SLC26A9: variants seen among roughly 807,000 people sequenced by gnomAD.
SLC26A9 encodes the protein anion transporter/exchanger protein 9.
Under a neutral mutation model 87.1 loss-of-function variants are expected in SLC26A9, and 46 were observed. The observed-to-expected ratio is 0.53, with a 90% CI of 0.42 to 0.67. The LOEUF (loss-of-function observed/expected upper bound fraction) is 0.67. Among genes scored for constraint, SLC26A9 ranks in the 30% least tolerant of loss-of-function variants. The pLI is 0.00. For missense variants in SLC26A9, 927 were observed against 1,018.3 expected, an observed-to-expected ratio of 0.91 and a Z score of 1.22; for synonymous variants, 437 against 409.1, an observed-to-expected ratio of 1.07 and a Z score of -0.82.
intron 16 of SLC26A9, among the ~76,000 whole-genome samples, chr1:205,922,609 G>T (rs1387152662): frequency 1.3e-5 from 2 of 152,182 alleles, no homozygotes; most frequent in East Asian, 3.9e-4. Flanking sequence ...CATCCAAGAA[G>T]AAAAATGCCC....
chr1:205,913,580 C>T lies in SLC26A9; in HGVS notation c.*1777G>A, dbSNP rs913088165. 9.8e-5 allele frequency: 15 copies of T among 152,662 alleles called. No homozygotes were observed. Among genetic ancestry groups the T allele is most frequent in the African/African-American group, 3.6e-4 (15 of 41,442 alleles). 9.5% of individuals were successfully genotyped at this position (152,662 alleles called of 1,614,324 possible). A position where few individuals can be genotyped will look rare whatever the true frequency, so the allele number is the denominator to read the frequency against. On this transcript the variant is annotated 3_prime_UTR_variant, in exon 21 of 21. Transcript: ENST00000367135. ...TGTGACCTTCTCCCACCTCCTGGGC[C>T]TGAGCTGGACTTGGAAGGAGGTGGA...
rs754742105 is a variant in SLC26A9 at position 205,932,963 on chromosome 1, A to T, written c.247T>A (p.Ser83Thr). The change falls in exon 3 of 21, where the codon TCC becomes ACC. Residue 83 changes from serine (S) to threonine (T), a missense_variant. Coordinates refer to ENST00000367135, the MANE Select transcript of SLC26A9 (RefSeq NM_052934.4). ...CCTTCACCTTGTGGGACCTGGATGG[A>T]TCCCCCGCTGAGTCCACCGAGCAGG... The part of the protein sequence containing the change: ...PDLLGGLSGG[S>T]IQVPQGMAFA... The T allele has an allele frequency of 2.7e-5, 44 of 1,613,970 alleles. No individual in the cohort carries two copies. The highest frequency in any genetic ancestry group is 3.6e-5 in the Non-Finnish European group (43 of 1,179,966).
Position 205,933,069 on chromosome 1 carries a change from C to G in SLC26A9, c.141G>C (p.Lys47Asn), listed in dbSNP as rs1659372525. ...GCAGCCCAAACACCACAGCTTTGAT[C>G]TTGGCTGAGGAACATCTGGAAGGGA... ...LRNAFRCSSA[K>N]IKAVVFGLLP... Residue 47 changes from lysine to asparagine, a missense_variant, in exon 3 of 21, where the codon AAG (lysine) becomes AAC (asparagine). Transcript: ENST00000367135. 4 of 1,614,228 alleles carry G rather than the reference C, an allele frequency of 2.5e-6. No homozygotes were observed. Among genetic ancestry groups the G allele is most frequent in the Non-Finnish European group, 2.5e-6 (3 of 1,180,040 alleles).
chr1:205,923,416 G>C lies in SLC26A9; in HGVS notation c.1578C>G (p.Ile526Met). The change falls in exon 15 of 21, where the codon ATC (isoleucine) becomes ATG (methionine). Residue 526 changes from isoleucine (I) to methionine (M), a missense_variant. Physicochemically the swap from Ile to Met is conservative, Grantham distance 10. Coordinates refer to ENST00000367135, the MANE Select transcript of SLC26A9 (RefSeq NM_052934.4). ...AGTACGTGATGATTTTAATCCCCTG[G>C]ATATCCTGGGCCTGTGACAGGGAGA... Reference protein sequence around the residue: ...NPKTYNRAQDIQGIKIITYCS... With the variant: ...NPKTYNRAQDMQGIKIITYCS... 1 of 1,614,190 alleles carries C rather than the reference G, an allele frequency of 6.2e-7. No homozygotes were observed.
intron 2 of SLC26A9, 112 bp from the exon 3 acceptor site, chr1:205,933,196 A>G (rs1659378321): frequency 4.1e-6 from 6 of 1,458,568 alleles, no homozygotes; most frequent in Non-Finnish European, 5.6e-6. Context: ...TTCAAAATTC[A>G]CTGAACTGTG....
intron 1 of SLC26A9, among the ~76,000 whole-genome samples, chr1:205,943,032 C>T (rs968592697): frequency 1.3e-5 from 2 of 152,170 alleles, no homozygotes; most frequent in Non-Finnish European, 1.5e-5. Context: ...AAGGCTGTCG[C>T]GGAGGAAGGT....
At chr1:205,922,232 G>A (rs1571734870) in intron 16 of SLC26A9, among the ~76,000 whole-genome samples, 2 of 152,312 alleles carry the variant, frequency 1.3e-5, no homozygotes, top group East Asian at 3.9e-4. Context: ...TGCCTCCCGG[G>A]TTCAAGTGAT....
intron 12 of SLC26A9, among the ~76,000 whole-genome samples, chr1:205,925,483 C>A (rs1659028448): frequency 6.6e-6 from 1 of 152,188 alleles, no homozygotes; most frequent in Non-Finnish European, 1.5e-5. Flanking sequence ...GGAATACCAC[C>A]ATAGCGGGGG....
chr1:205,931,905 C>T lies in SLC26A9; in HGVS notation c.507G>A (p.Arg169=). The part of the protein sequence containing the change: ...YVDTAAMEAE[R]LHVSATLACL... ...AGGCTAGCGTAGCTGACACGTGCAG[C>T]CTCTCAGCCTCCATGGCTGCTGTGT... Residue 169 remains arginine (R), a synonymous_variant, in exon 5 of 21, where the codon AGG becomes AGA. Transcript: ENST00000367135. 2 of 1,614,138 alleles carry T rather than the reference C, an allele frequency of 1.2e-6. No homozygotes were observed. Among genetic ancestry groups the T allele is most frequent in the Admixed American group, 1.7e-5 (1 of 60,028 alleles).
chr1:205,915,458 G>A, intron 20 of SLC26A9, 54 bp from the exon 21 acceptor site: 3 of 1,612,464 alleles, frequency 1.9e-6, no homozygotes, highest in Non-Finnish European at 2.5e-6. Context: ...TAGACCAGTT[G>A]GGGTCACAGT....
rs1413233835 is a variant in SLC26A9, at chr1:205,915,024, G to A, written c.*333C>T. ...TTTGGCTCACTCGTAAAAGCTGGAA[G>A]TCAAGGTGTCCTTCAGCTGCCAAGG... On this transcript the variant is annotated 3_prime_UTR_variant, in exon 21 of 21. Coordinates refer to ENST00000367135, the MANE Select transcript of SLC26A9 (RefSeq NM_052934.4). 4 of 1,614,102 alleles carry A rather than the reference G, an allele frequency of 2.5e-6. No homozygotes were observed. Among genetic ancestry groups the A allele is most frequent in the African/African-American group, 1.3e-5 (1 of 74,926 alleles).
In SLC26A9 at chr1:205,927,538, G is replaced by A. The variant is rs761351561; in HGVS notation, c.1169C>T (p.Ala390Val). The A allele has an allele frequency of 9.9e-6, 16 of 1,614,058 alleles. No individual in the cohort carries two copies. Among genetic ancestry groups the A allele is most frequent in the East Asian group, 4.5e-5 (2 of 44,880 alleles). Residue 390 changes from alanine to valine, a missense_variant, in exon 10 of 21, where the codon GCG becomes GTG. Physicochemically the swap from Ala to Val is moderately conservative, Grantham distance 64 (BLOSUM62 0). Transcript: ENST00000367135. ...ATCCACAGCCAGAGTGACAGAAAGC[G>A]CACAGCAAATGACATGAATTTTAAA... ...SFFKIHVICC[A>V]LSVTLAVDGA... is the part of the protein sequence containing the mutation.
At chr1:205,919,086 T>A (rs977956930) in intron 18 of SLC26A9, 101 bp from the exon 19 acceptor site, 5 of 1,458,002 alleles carry the variant, frequency 3.4e-6, no homozygotes, top group Non-Finnish European at 4.7e-6. Flanking sequence ...GGGAGAGGCC[T>A]GAGGTCCCAG....
chr1:205,941,116 A>C (rs1659725270), intron 1 of SLC26A9, among the ~76,000 whole-genome samples: 1 of 152,018 alleles, frequency 6.6e-6, no homozygotes, highest in African/African-American at 2.4e-5. Flanking sequence ...CAGGAGGAGG[A>C]AGGATGTAGA....
At chr1:205,929,168 G>GC (rs765409127) in intron 7 of SLC26A9, 36 bp downstream of exon 7, 248 of 1,595,208 alleles carry the variant, frequency 1.6e-4, no homozygotes, top group Non-Finnish European at 2.0e-4. Context: ...TCACAGCCTG[G>GC]CCCCCCAACA....
intron 20 of SLC26A9, among the ~76,000 whole-genome samples, chr1:205,916,367 G>C (rs1436656073): frequency 6.6e-6 from 1 of 152,212 alleles, no homozygotes. Flanking sequence ...AAAGTGCTGG[G>C]ATTACAGGTG....
At chr1:205,933,693 A>G (rs2102597539) in intron 2 of SLC26A9, among the ~76,000 whole-genome samples, 1 of 152,274 alleles carries the variant, frequency 6.6e-6, no homozygotes, top group Non-Finnish European at 1.5e-5. Context: ...AACTTCCTTG[A>G]AAAGGAAGGC....
At chr1:205,917,130 A>AG (rs57012703) in intron 20 of SLC26A9, among the ~76,000 whole-genome samples, 153 bp downstream of exon 20, 12,872 of 150,732 alleles carry the variant, frequency 0.085, 665 homozygotes, top group African/African-American at 0.13. Flanking sequence ...GAAAAGAAAA[A>AG]AAACAAAGAT....
At chr1:205,930,102 TCAGCAG>T in intron 5 of SLC26A9, 46 bp from the exon 6 acceptor site, 3 of 1,556,600 alleles carry the variant, frequency 1.9e-6, no homozygotes, top group East Asian at 2.3e-5. Flanking sequence ...CCAATGTGGT[TCAGCAG>T]TTCCAACGAC....
Sources: gnomAD v4.1 joint callset for allele counts (sites outside exome capture counted in the v4.1 genomes callset) on GRCh38, gnomAD v4.1.1 for gene constraint, MANE v1.5 for transcripts, NCBI Gene and HGNC (gene_info 2026-07-23, HGNC 2026-07-21) for gene names.